Variants in JKAMP observed in about 807,000 individuals in gnomAD.
JKAMP encodes JNK1/MAPK8-associated membrane protein.
JKAMP carries 20 observed loss-of-function variants against 40.2 expected under a neutral mutation model. The observed-to-expected ratio is 0.50, with a 90% CI of 0.35 to 0.72. The LOEUF (loss-of-function observed/expected upper bound fraction) is 0.72, where lower values mean the gene tolerates loss of function less well. Ranked by LOEUF, JKAMP falls within the 30% of genes least tolerant of loss-of-function variation. The probability of loss-of-function intolerance (pLI) is 0.01; values close to 1 mark genes in which losing one functional copy is unlikely to be tolerated. For missense variants in JKAMP, 276 were observed against 373.0 expected (o/e 0.74, Z 2.14); for synonymous variants, 138 against 131.6 (o/e 1.05, Z -0.33).
chr14:59,492,702 G>A (rs1027179422), intron 3 of JKAMP, among the ~76,000 whole-genome samples: 1 of 152,022 alleles, frequency 6.6e-6, no homozygotes, highest in Non-Finnish European at 1.5e-5. Flanking sequence ...CTGAAGCCCA[G>A]ATTCTCATGC....
rs201359876 is a variant in JKAMP at position 59,487,816 on chromosome 14, C to T, written c.239C>T (p.Ser80Leu). The change falls in exon 3 of 7, where the codon TCG becomes TTG. Residue 80 changes from serine (S) to leucine (L), a missense_variant. Transcript: ENST00000616435. ...CATTGGTTCTTCATTGAATGGTACTCGGGGAAAAAGAGGTTAGCACATTTC... is the reference window on the plus strand; with the variant it reads ...CATTGGTTCTTCATTGAATGGTACTTGGGGAAAAAGAGGTTAGCACATTTC... ...VLHWFFIEWYSGKKSSSALFQ... is the reference protein window; with the variant it reads ...VLHWFFIEWYLGKKSSSALFQ... 5.5e-5 allele frequency: 89 copies of T among 1,613,274 alleles called. 1 individual carries two copies. The African/African-American group carries it at 1.0e-3, about 18-fold the overall frequency.
At chr14:59,498,086 G>C (rs1891582683) in intron 4 of JKAMP, among the ~76,000 whole-genome samples, 1 of 151,910 alleles carries the variant, frequency 6.6e-6, no homozygotes, top group Admixed American at 6.6e-5. Context: ...TTCAAAAACA[G>C]AATAAAAGCA....
At chr14:59,498,647 T>A in intron 4 of JKAMP, 80 bp from the exon 5 acceptor site, 1 of 787,260 alleles carries the variant, frequency 1.3e-6, no homozygotes, top group South Asian at 2.0e-5. Flanking sequence ...TCTTTTAGGC[T>A]CTTTCATTTA....
chr14:59,491,122 T>G (rs1187398247), intron 3 of JKAMP, among the ~76,000 whole-genome samples: 6 of 152,292 alleles, frequency 3.9e-5, no homozygotes, highest in African/African-American at 1.4e-4. Context: ...GGGCTGGAGG[T>G]GTCTTAACAA....
chr14:59,505,224 A>C lies in JKAMP; in HGVS notation c.*1152A>C. The C allele has an allele frequency of 7.3e-7, 1 of 1,369,368 alleles. No individual in the cohort carries two copies. The allele number at this position is 1,369,368 out of a possible 1,614,324, so 84.8% of individuals were successfully genotyped here. ...GTAGTCTGTCTTTTGAATTCACAGC[A>C]GTTGTATCCTTGAGTTACTTTGTTA... On this transcript the variant is annotated 3_prime_UTR_variant, in exon 7 of 7. Transcript: ENST00000616435.
rs1263250006 is a variant in JKAMP, at chr14:59,504,786, C to T, written c.*714C>T. On this transcript the variant is annotated 3_prime_UTR_variant, in exon 7 of 7. Coordinates refer to ENST00000616435, the MANE Select transcript of JKAMP (RefSeq NM_016475.5). ...TTCAAACTGGTAAATAGTTTCCTCT[C>T]ATATCTCGGGTATATATACATACCA... 1 of 152,690 alleles carries T rather than the reference C, an allele frequency of 6.5e-6. No individual in the cohort carries two copies. Among genetic ancestry groups the T allele is most frequent in the East Asian group, 1.9e-4 (1 of 5,206 alleles). The allele number at this position is 152,690 out of a possible 1,614,324, so 9.5% of individuals were successfully genotyped here. A position where few individuals can be genotyped will look rare whatever the true frequency, so the allele number is the denominator to read the frequency against.
Position 59,505,354 on chromosome 14 carries a change from A to G in JKAMP, c.*1282A>G. ...AAATAAATATAAAAATTTTATTTGT[A>G]TTGCACACATTTGGGGGGTTATTAG... On this transcript the variant is annotated 3_prime_UTR_variant, in exon 7 of 7. Coordinates refer to ENST00000616435, the MANE Select transcript of JKAMP (RefSeq NM_016475.5). 8.8e-7 allele frequency: 1 copy of G among 1,140,014 alleles called. No individual in the cohort carries two copies. Among genetic ancestry groups the G allele is most frequent in the Non-Finnish European group, 1.2e-6 (1 of 818,726 alleles). 70.6% of individuals were successfully genotyped at this position (1,140,014 alleles called of 1,614,324 possible).
chr14:59,504,920 A>T lies in JKAMP; in HGVS notation c.*848A>T, dbSNP rs12587515. On this transcript the variant is annotated 3_prime_UTR_variant, in exon 7 of 7. Coordinates refer to ENST00000616435, the MANE Select transcript of JKAMP (RefSeq NM_016475.5). ...TTAATGAAATACAGAAGATACACAGAATAAAAAGGGTTTTCCTGTGGTTGG... is the reference window on the plus strand; with the variant it reads ...TTAATGAAATACAGAAGATACACAGTATAAAAAGGGTTTTCCTGTGGTTGG... The T allele has an allele frequency of 0.98, 184,355 of 187,706 alleles. 90,621 individuals are homozygous for T. Among genetic ancestry groups the T allele is most frequent in the East Asian group, 1 (7,682 of 7,682 alleles). 11.6% of individuals were successfully genotyped at this position (187,706 alleles called of 1,614,324 possible).
intron 5 of JKAMP, chr14:59,500,984 A>G: frequency 2.0e-6 from 1 of 501,226 alleles, no homozygotes; most frequent in Non-Finnish European, 3.5e-6. Flanking sequence ...TAATCGAGAC[A>G]GAGAAATGCA....
chr14:59,495,250 C>T (rs1352243044), intron 4 of JKAMP, 26 bp downstream of exon 4: 10 of 1,457,062 alleles, frequency 6.9e-6, no homozygotes, highest in Non-Finnish European at 9.4e-6. Flanking sequence ...GACTTAAGAT[C>T]ATTGTTTTTT....
intron 3 of JKAMP, among the ~76,000 whole-genome samples, chr14:59,492,962 C>T (rs1402673170): frequency 6.6e-6 from 1 of 151,786 alleles, no homozygotes; most frequent in Non-Finnish European, 1.5e-5. Flanking sequence ...CACGCCCGGC[C>T]AATTTTTTTG....
In JKAMP at chr14:59,496,996, A is replaced by T. The variant is rs914915370; in HGVS notation, c.459-1731A>T. Among the ~76,000 whole-genome samples the T allele has an allele frequency of 4.3e-5, 6 of 138,220 alleles. No individual in the cohort carries two copies. The East Asian group carries it at 1.2e-3, about 29-fold the overall frequency. 90.7% of individuals were successfully genotyped at this position (138,220 alleles called of 152,430 possible). A position where few individuals can be genotyped will look rare whatever the true frequency, so the allele number is the denominator to read the frequency against. On this transcript the variant is annotated intron_variant, in intron 4 of 6. Transcript: ENST00000616435. Reference sequence around the variant, plus strand: ...TGTAGGGCTACCACAAGTCATAGTAATTTTTTTTTTTTTTTTTTGCAAGTC... The same window carrying T: ...TGTAGGGCTACCACAAGTCATAGTATTTTTTTTTTTTTTTTTTTGCAAGTC...
chr14:59,502,148 C>G (rs982824903), intron 6 of JKAMP, among the ~76,000 whole-genome samples: 4 of 152,022 alleles, frequency 2.6e-5, no homozygotes, highest in African/African-American at 7.2e-5. Flanking sequence ...CTGACATTTT[C>G]TTTCTAAAAT....
At chr14:59,502,750 A>G (rs1891980618) in intron 6 of JKAMP, among the ~76,000 whole-genome samples, 1 of 4,908 alleles carries the variant, frequency 2.0e-4, no homozygotes, top group African/African-American at 3.5e-4. Context: ...ATAAAATGAG[A>G]TTTTTTTTTT....
chr14:59,496,514 A>G (rs2139894154), intron 4 of JKAMP, among the ~76,000 whole-genome samples: 1 of 152,274 alleles, frequency 6.6e-6, no homozygotes, highest in African/African-American at 2.4e-5. Context: ...TATGTTATTT[A>G]TTGTAATATT....
Position 59,504,659 on chromosome 14 carries a change from GATT to G in JKAMP, c.*591_*593del. ...TATAGATTGGTTCAAGATTTGTTTG[GATT>G]ATTGTTCCTGTAAAGAAAACAATAA... On this transcript the variant is annotated 3_prime_UTR_variant, in exon 7 of 7. Transcript: ENST00000616435. 1 of 152,654 alleles carries G rather than the reference GATT, an allele frequency of 6.6e-6. No homozygotes were observed. Among genetic ancestry groups the G allele is most frequent in the Non-Finnish European group, 1.5e-5 (1 of 68,072 alleles). The allele number at this position is 152,654 out of a possible 1,614,324, so 9.5% of individuals were successfully genotyped here. A position where few individuals can be genotyped will look rare whatever the true frequency, so the allele number is the denominator to read the frequency against.
At chr14:59,501,026 C>T (rs898467560) in intron 5 of JKAMP, 165 bp from the exon 6 acceptor site, 20 of 561,842 alleles carry the variant, frequency 3.6e-5, no homozygotes, top group East Asian at 3.0e-4. Context: ...TTGCCCTTTC[C>T]AGAAAAAGCT....
At chr14:59,495,866 T>C (rs1891401347) in intron 4 of JKAMP, among the ~76,000 whole-genome samples, 1 of 150,970 alleles carries the variant, frequency 6.6e-6, no homozygotes, top group Non-Finnish European at 1.5e-5. Flanking sequence ...CAACCAGATA[T>C]CTTAGAAAAA....
At position 59,495,207 on chromosome 14, in the gene JKAMP, T is replaced by A; in HGVS notation, c.441T>A (p.His147Gln). ...ACGTTACCACAGTACACTGTACTCA[T>A]GAAGCCGTCTACCCACTGTAAGTGT... ...PDYVTTVHCT[H>Q]EAVYPLYTIV... The change falls in exon 4 of 7, where the codon CAT becomes CAA. Residue 147 changes from histidine to glutamine, a missense_variant. His to Gln is a conservative substitution (Grantham distance 24). Transcript: ENST00000616435. The A allele has an allele frequency of 6.2e-7, 1 of 1,609,424 alleles. No individual in the cohort carries two copies. Among genetic ancestry groups the A allele is most frequent in the Non-Finnish European group, 8.5e-7 (1 of 1,175,724 alleles).
Sources: allele counts gnomAD v4.1 joint callset (sites outside exome capture counted in the v4.1 genomes callset), GRCh38; gene constraint gnomAD v4.1.1; transcripts MANE v1.5; gene names NCBI Gene and HGNC (gene_info 2026-07-23, HGNC 2026-07-21).